NTRK1: variants seen among roughly 807,000 people sequenced by gnomAD.
The protein encoded by NTRK1 is high affinity nerve growth factor receptor.
In NTRK1, 62 loss-of-function variants were observed where a neutral mutation model predicts 86.8. That is an observed-to-expected ratio of 0.71 (90% CI 0.58 to 0.88). The LOEUF is 0.88. Ranked by LOEUF, NTRK1 falls within the 40% of genes least tolerant of loss-of-function variation. The pLI is 0.00. For missense variants in NTRK1, 967 were observed against 1,078.4 expected (o/e 0.90, Z 1.45); for synonymous variants, 469 against 456.6 (o/e 1.03, Z -0.35).
intron 12 of NTRK1, 91 bp downstream of exon 12, chr1:156,875,757 G>C (rs567161791): frequency 2.6e-6 from 4 of 1,528,306 alleles, no homozygotes; most frequent in East Asian, 2.3e-5. Context: ...AGGCCTGAAC[G>C]ATCCCTCCCT....
Position 156,861,159 on chromosome 1 carries a change from C to T in NTRK1, c.212+13C>T, listed in dbSNP as rs772360644. 1.3e-6 allele frequency: 2 copies of T among 1,549,470 alleles called. No homozygotes were observed. The highest frequency in any genetic ancestry group is 2.4e-5 in the East Asian group (1 of 42,094). On this transcript the variant is annotated intron_variant, in intron 1 of 16. Coordinates refer to ENST00000524377, the MANE Select transcript of NTRK1 (RefSeq NM_002529.4). ...ACCTGACTGAGCTGTGAGTGTCCGG[C>T]GGGCGGTGGGGGGGCGCGGGGACAG...
In NTRK1 at chr1:156,877,308, T is replaced by C. The variant is rs573088834; in HGVS notation, c.1805+736T>C. 3.9e-5 allele frequency among the ~76,000 whole-genome samples: 6 copies of C among 152,384 alleles called. No homozygotes were observed. In the South Asian group the frequency reaches 1.2e-3, roughly 32 times the overall value. On this transcript the variant is annotated intron_variant, in intron 14 of 16. Transcript: ENST00000524377. Reference sequence around the variant, plus strand: ...ATTGCAATTTACACTTGAAGCAAGTTACAAAAAATTCATTTCTTTGGCTTC... The same window carrying C: ...ATTGCAATTTACACTTGAAGCAAGTCACAAAAAATTCATTTCTTTGGCTTC...
At chr1:156,818,213 T>A (rs1309084444) in intron 1 of NTRK1, among the ~76,000 whole-genome samples, 1 of 151,864 alleles carries the variant, frequency 6.6e-6, no homozygotes, top group Non-Finnish European at 1.5e-5. Flanking sequence ...CTGTTCTTGG[T>A]ACTGAGAACC....
chr1:156,835,231 AG>A, intron 1 of NTRK1, among the ~76,000 whole-genome samples: 1 of 152,336 alleles, frequency 6.6e-6, no homozygotes, highest in Middle Eastern at 3.4e-3. Context: ...AAGACACGGT[AG>A]GGCTACAAAA....
At chr1:156,863,086 G>T (rs116533715) in intron 1 of NTRK1, among the ~76,000 whole-genome samples, 6 of 150,064 alleles carry the variant, frequency 4.0e-5, no homozygotes, top group Non-Finnish European at 5.9e-5. Flanking sequence ...GGGTGGGGGG[G>T]GCACACTAAC....
chr1:156,879,382 A>T lies in NTRK1; in HGVS notation c.2046+20A>T, dbSNP rs765117493. On this transcript the variant is annotated intron_variant, in intron 15 of 16. Coordinates refer to ENST00000524377, the MANE Select transcript of NTRK1 (RefSeq NM_002529.4). ...TACCGTGTAAGGGTCCTTTGTCCCC[A>T]ACGCCTTCCCCTGCATCCAAACTGT... is the stretch of plus-strand genomic sequence containing the variant. 2 of 1,588,130 alleles carry T rather than the reference A, an allele frequency of 1.3e-6. No homozygotes were observed. The highest frequency in any genetic ancestry group is 2.7e-5 in the African/African-American group (2 of 74,694).
At chr1:156,855,460 C>T (rs1430802300) in intron 2 of NTRK1, among the ~76,000 whole-genome samples, 1 of 152,178 alleles carries the variant, frequency 6.6e-6, no homozygotes, top group Non-Finnish European at 1.5e-5. Flanking sequence ...CCACCTTGGC[C>T]TCCCAAAGTG....
chr1:156,866,933 A>G lies in NTRK1; in HGVS notation c.383A>G (p.Glu128Gly). Residue 128 changes from glutamate to glycine, a missense_variant, in exon 4 of 17, where the codon GAG (glutamate) becomes GGG (glycine). Coordinates refer to ENST00000524377, the MANE Select transcript of NTRK1 (RefSeq NM_002529.4). ...AGGAATCTCTCCTTCAACGCTCTGG[A>G]GTCTCTCTCCTGGAAAACTGTGCAG... ...SRLNLSFNALESLSWKTVQGL... is the reference protein window; with the variant it reads ...SRLNLSFNALGSLSWKTVQGL... The G allele has an allele frequency of 6.2e-7, 1 of 1,614,194 alleles. No individual in the cohort carries two copies. The highest frequency in any genetic ancestry group is 2.2e-5 in the East Asian group (1 of 44,872).
At chr1:156,874,199 C>G (rs557207828) in intron 8 of NTRK1, 184 bp from the exon 9 acceptor site, 1 of 1,009,892 alleles carries the variant, frequency 9.9e-7, no homozygotes, top group East Asian at 2.4e-5. Flanking sequence ...AGCAGGGCAT[C>G]CTGGCCCAGC....
At chr1:156,872,064 C>T (rs1417211822) in intron 7 of NTRK1, among the ~76,000 whole-genome samples, 1 of 152,150 alleles carries the variant, frequency 6.6e-6, no homozygotes, top group African/African-American at 2.4e-5. Flanking sequence ...CGTCCCTCAT[C>T]GGGTCCTTCT....
chr1:156,867,634 A>ATTTCT (rs1277777040), intron 4 of NTRK1, among the ~76,000 whole-genome samples: 10 of 143,430 alleles, frequency 7.0e-5, no homozygotes, highest in Admixed American at 2.1e-4. Flanking sequence ...CGCCTGGCTT[A>ATTTCT]TTTCTTTTCT....
chr1:156,879,076 G>A (rs768717839), intron 14 of NTRK1, 46 bp from the exon 15 acceptor site: 6 of 1,609,094 alleles, frequency 3.7e-6, no homozygotes, highest in South Asian at 1.1e-5. Context: ...AGGCTCCTGG[G>A]AGTTCTATCC....
intron 2 of NTRK1, among the ~76,000 whole-genome samples, chr1:156,848,157 C>T (rs535155141): frequency 6.6e-6 from 1 of 152,238 alleles, no homozygotes; most frequent in Admixed American, 6.5e-5. Context: ...AGGAGGGTCT[C>T]GGCCATTTGA....
chr1:156,876,376 C>T (rs2102918896), intron 13 of NTRK1, 24 bp from the exon 14 acceptor site: 1 of 1,613,394 alleles, frequency 6.2e-7, no homozygotes, highest in Non-Finnish European at 8.5e-7. Context: ...CCAACTCAGT[C>T]CTGTCCCTGC....
At position 156,867,088 on chromosome 1, in the gene NTRK1, G is replaced by T. The variant is rs1014773996; in HGVS notation, c.428+110G>T. ...CTGTGTCTGTGTGACACTGCTGGGGGGTCTCTTTGGGGACTATGTGCATGC... is the reference window on the plus strand; with the variant it reads ...CTGTGTCTGTGTGACACTGCTGGGGTGTCTCTTTGGGGACTATGTGCATGC... On this transcript the variant is annotated intron_variant, in intron 4 of 16. Coordinates refer to ENST00000524377, the MANE Select transcript of NTRK1 (RefSeq NM_002529.4). The T allele has an allele frequency of 2.7e-6, 3 of 1,121,464 alleles. No homozygotes were observed. The African/African-American group carries it at 4.6e-5, about 17-fold the overall frequency. The allele number at this position is 1,121,464 out of a possible 1,614,324, so 69.5% of individuals were successfully genotyped here. A position where few individuals can be genotyped will look rare whatever the true frequency, so the allele number is the denominator to read the frequency against.
At chr1:156,845,238 C>T in intron 2 of NTRK1, 1 of 1,610,646 alleles carries the variant, frequency 6.2e-7, no homozygotes, top group Non-Finnish European at 8.5e-7. Flanking sequence ...ATCTCGAAAT[C>T]CGAGCTGTTG....
Position 156,854,856 on chromosome 1 carries a change from G to A in NTRK1, c.51-9498G>A, listed in dbSNP as rs1471821345. On this transcript the variant is annotated intron_variant, in intron 2 of 16. Transcript: ENST00000392302. This position sits in a 1 kb window ranked among gnomAD's most constrained non-coding sequence, Gnocchi z 4.2. The stretch of plus-strand genomic sequence containing the variant: ...TGATCTCAAAACACAGATGGATCAC[G>A]TTTCTCCTCTGCTTATAACCCCCCG... Among the ~76,000 whole-genome samples the A allele has an allele frequency of 3.3e-5, 5 of 151,982 alleles. No individual in the cohort carries two copies. In the South Asian group the frequency reaches 6.2e-4, roughly 19 times the overall value.
intron 1 of NTRK1, among the ~76,000 whole-genome samples, chr1:156,835,262 T>A (rs1654570387): frequency 6.6e-6 from 1 of 152,116 alleles, no homozygotes; most frequent in Non-Finnish European, 1.5e-5. Flanking sequence ...CAATCCTGAA[T>A]TCAATAAAAT....
At chr1:156,841,653 G>A in intron 1 of NTRK1, 1 of 1,613,218 alleles carries the variant, frequency 6.2e-7, no homozygotes, top group Non-Finnish European at 8.5e-7. Context: ...CTGTGCTCCA[G>A]CTCGGCCCCA....
Sources: gnomAD v4.1 joint callset for allele counts (sites outside exome capture counted in the v4.1 genomes callset) on GRCh38, gnomAD v4.1.1 for gene constraint, Gnocchi (gnomAD v3.1) non-coding constraint, MANE v1.5 for transcripts, NCBI Gene and HGNC (gene_info 2026-07-23, HGNC 2026-07-21) for gene names.